RNLS: variants seen among roughly 807,000 people sequenced by gnomAD.
The protein encoded by RNLS is renalase.
Under a neutral mutation model 39.8 loss-of-function variants are expected in RNLS, and 39 were observed. That is an observed-to-expected ratio of 0.98 (90% CI 0.76 to 1.28). The LOEUF (loss-of-function observed/expected upper bound fraction) is 1.28. Ranked by LOEUF, RNLS falls within the 50% of genes most tolerant of loss-of-function variation. The probability of loss-of-function intolerance (pLI) is 0.00; values close to 1 mark genes in which losing one functional copy is unlikely to be tolerated. For missense variants in RNLS, 410 were observed against 413.3 expected, an observed-to-expected ratio of 0.99 and a Z score of 0.07; for synonymous variants, 147 against 150.7, an observed-to-expected ratio of 0.98 and a Z score of 0.18.
At chr10:88,562,192 T>C (rs72820086) in intron 4 of RNLS, among the ~76,000 whole-genome samples, 3,875 of 152,188 alleles carry the variant, frequency 0.025, 87 homozygotes, top group Non-Finnish European at 0.039. Context: ...TATCACCCAA[T>C]ATAGCATTAA....
intron 6 of RNLS, among the ~76,000 whole-genome samples, chr10:88,309,091 G>C (rs149661324): frequency 3.4e-4 from 52 of 152,258 alleles, no homozygotes; most frequent in African/African-American, 1.3e-3. Flanking sequence ...TGGACACATA[G>C]AGGGGAACAA....
At chr10:88,488,842 C>T (rs568657485) in intron 4 of RNLS, among the ~76,000 whole-genome samples, 4 of 152,078 alleles carry the variant, frequency 2.6e-5, no homozygotes, top group Non-Finnish European at 4.4e-5. Context: ...GTCATAGTTG[C>T]GAATGGCAAA....
intron 4 of RNLS, among the ~76,000 whole-genome samples, chr10:88,380,492 C>T (rs1851377754): frequency 6.6e-6 from 1 of 150,514 alleles, no homozygotes; most frequent in Admixed American, 6.6e-5. Context: ...TTTCCTGCCT[C>T]AGCCTCCCAA....
chr10:88,457,903 G>A (rs893283534), intron 4 of RNLS, among the ~76,000 whole-genome samples: 5 of 152,192 alleles, frequency 3.3e-5, no homozygotes, highest in African/African-American at 1.2e-4. Flanking sequence ...CATGCCACCT[G>A]TTGGTGCCAA....
At chr10:88,332,274 T>C (rs1451004395) in intron 5 of RNLS, among the ~76,000 whole-genome samples, 1 of 152,268 alleles carries the variant, frequency 6.6e-6, no homozygotes, top group African/African-American at 2.4e-5. Context: ...GGGACTTTTG[T>C]AGTATTTATA....
intron 4 of RNLS, among the ~76,000 whole-genome samples, chr10:88,386,597 AAG>A (rs2133553098): frequency 6.6e-6 from 1 of 152,344 alleles, no homozygotes; most frequent in South Asian, 2.1e-4. Context: ...GTTCTGTGTT[AAG>A]AGAATCCTCA....
At chr10:88,380,096 T>C (rs1257769320) in intron 4 of RNLS, among the ~76,000 whole-genome samples, 1 of 152,138 alleles carries the variant, frequency 6.6e-6, no homozygotes, top group Non-Finnish European at 1.5e-5. Flanking sequence ...GCTTGTCACA[T>C]TGCAATAAAA....
chr10:88,223,810 G>A, the RNLS span, among the ~76,000 whole-genome samples: 502 of 152,206 alleles, frequency 3.3e-3, 3 homozygotes, highest in African/African-American at 0.011. Context: ...AGGTTATCAT[G>A]TTTGCACACT....
chr10:88,326,947 A>G (rs1199232431), intron 5 of RNLS, among the ~76,000 whole-genome samples: 1 of 152,214 alleles, frequency 6.6e-6, no homozygotes, highest in Non-Finnish European at 1.5e-5. Flanking sequence ...AAGATTGAAT[A>G]GCTGCCCTGC....
At chr10:88,264,030 C>T in the RNLS span, among the ~76,000 whole-genome samples, 1 of 152,142 alleles carries the variant, frequency 6.6e-6, no homozygotes, top group East Asian at 1.9e-4. Context: ...ACTTTGCATC[C>T]TCATAGCTTA....
chr10:88,497,229 C>T (rs1428379644), intron 4 of RNLS, among the ~76,000 whole-genome samples: 1 of 151,880 alleles, frequency 6.6e-6, no homozygotes, highest in African/African-American at 2.4e-5. Context: ...ATAATGAACA[C>T]AAGTCAGTTT....
intron 6 of RNLS, among the ~76,000 whole-genome samples, chr10:88,293,686 G>A (rs1327352170): frequency 6.8e-6 from 1 of 147,334 alleles, no homozygotes; most frequent in East Asian, 2.1e-4. Context: ...AGATTTTACT[G>A]GTCCATGAAA....
At chr10:88,455,475 C>T (rs1454870226) in intron 4 of RNLS, among the ~76,000 whole-genome samples, 7 of 152,076 alleles carry the variant, frequency 4.6e-5, no homozygotes, top group Non-Finnish European at 4.4e-5. Context: ...GGTGCGATTT[C>T]GGCTCACTGC....
At chr10:88,575,136 A>G (rs1850088990) in intron 3 of RNLS, among the ~76,000 whole-genome samples, 1 of 31,280 alleles carries the variant, frequency 3.2e-5, no homozygotes, top group Non-Finnish European at 4.8e-5. Flanking sequence ...ATATATATAT[A>G]TATATATATA....
At chr10:88,398,174 G>A (rs1852683009) in intron 4 of RNLS, among the ~76,000 whole-genome samples, 1 of 152,062 alleles carries the variant, frequency 6.6e-6, no homozygotes, top group South Asian at 2.1e-4. Context: ...ACCACACCAC[G>A]GAAGGCCACA....
the RNLS span, among the ~76,000 whole-genome samples, chr10:88,187,427 G>C: frequency 9.3e-3 from 1,417 of 151,882 alleles, 22 homozygotes; most frequent in African/African-American, 0.03. Context: ...TCATATGGTG[G>C]GACAGACATT....
intron 4 of RNLS, among the ~76,000 whole-genome samples, chr10:88,560,762 T>C (rs1849133168): frequency 6.6e-6 from 1 of 151,356 alleles, no homozygotes; most frequent in Non-Finnish European, 1.5e-5. Flanking sequence ...AACAGAAAGG[T>C]TCATAGGAGG....
At chr10:88,431,192 T>A (rs7911996) in intron 4 of RNLS, among the ~76,000 whole-genome samples, 1 of 151,302 alleles carries the variant, frequency 6.6e-6, no homozygotes, top group African/African-American at 2.4e-5. Context: ...TTTTTGAGTG[T>A]GCTTTGGTAA....
At chr10:88,402,607 G>A (rs1012995346) in intron 4 of RNLS, among the ~76,000 whole-genome samples, 2 of 151,892 alleles carry the variant, frequency 1.3e-5, no homozygotes, top group Non-Finnish European at 2.9e-5. Flanking sequence ...CAAACTTTTT[G>A]ACAGCAACAT....
Sources: gnomAD v4.1 joint callset for allele counts (sites outside exome capture counted in the v4.1 genomes callset) on GRCh38, gnomAD v4.1.1 for gene constraint, MANE v1.5 for transcripts, NCBI Gene and HGNC (gene_info 2026-07-23, HGNC 2026-07-21) for gene names.